The following R3HCC1L variants were observed in gnomAD, a reference collection of about 807,000 sequenced individuals.
R3HCC1L encodes the protein coiled-coil domain-containing protein R3HCC1L.
In R3HCC1L, 51 loss-of-function variants were observed where a neutral mutation model predicts 59.9. The observed-to-expected ratio is 0.85, with a 90% confidence interval of 0.68 to 1.07. The LOEUF is 1.07. Ranked by LOEUF, R3HCC1L falls within the 50% of genes least tolerant of loss-of-function variation. The pLI, the probability that R3HCC1L is intolerant of heterozygous loss-of-function variation, is 0.00. For missense variants in R3HCC1L, 965 were observed against 933.0 expected, an observed-to-expected ratio of 1.03 and a Z score of -0.45; for synonymous variants, 322 against 315.2, an observed-to-expected ratio of 1.02 and a Z score of -0.23.
At chr10:98,231,430 G>A in intron 5 of R3HCC1L, 82 bp from the exon 6 acceptor site, 3 of 1,277,556 alleles carry the variant, frequency 2.3e-6, no homozygotes, top group Non-Finnish European at 3.3e-6. Context: ...AGAAAGGGAG[G>A]AGGATTGTTT....
chr10:98,241,051 G>A (rs183997478), intron 9 of R3HCC1L, among the ~76,000 whole-genome samples: 6 of 152,118 alleles, frequency 3.9e-5, no homozygotes, highest in Admixed American at 1.3e-4. Context: ...ATGGGATTCA[G>A]ACTGTATTTT....
intron 1 of R3HCC1L, among the ~76,000 whole-genome samples, chr10:98,137,814 TTATC>T (rs1357220445): frequency 2.6e-5 from 4 of 152,238 alleles, no homozygotes; most frequent in Non-Finnish European, 5.9e-5. Flanking sequence ...AGCAGAGCAA[TTATC>T]TATCTTTATG....
chr10:98,224,570 T>G (rs1255861363), intron 5 of R3HCC1L, among the ~76,000 whole-genome samples: 1 of 152,212 alleles, frequency 6.6e-6, no homozygotes, highest in Admixed American at 6.5e-5. Context: ...GTTGAATGGT[T>G]TTGTGGAAGC....
intron 4 of R3HCC1L, among the ~76,000 whole-genome samples, chr10:98,180,665 T>C (rs1224598424): frequency 3.3e-5 from 5 of 152,212 alleles, no homozygotes; most frequent in Non-Finnish European, 5.9e-5. Context: ...CAGTGGGATG[T>C]TAAAGTCTCC....
At chr10:98,235,917 A>G (rs1461366149) in intron 8 of R3HCC1L, 107 bp from the exon 9 acceptor site, 3 of 1,262,200 alleles carry the variant, frequency 2.4e-6, no homozygotes. Flanking sequence ...CTGCTGATGC[A>G]GCCCTTGTTA....
chr10:98,175,405 C>T (rs1848912668), intron 4 of R3HCC1L, among the ~76,000 whole-genome samples: 2 of 152,136 alleles, frequency 1.3e-5, no homozygotes, highest in Non-Finnish European at 2.9e-5. Flanking sequence ...GTAACTCCCA[C>T]ACAATTAAAA....
intron 4 of R3HCC1L, among the ~76,000 whole-genome samples, chr10:98,188,479 C>T (rs17109059): frequency 2.6e-5 from 4 of 152,146 alleles, no homozygotes; most frequent in Non-Finnish European, 4.4e-5. Context: ...GCAATGGAGA[C>T]TCCTGTGTTT....
At chr10:98,238,817 C>T (rs938050507) in intron 9 of R3HCC1L, among the ~76,000 whole-genome samples, 3 of 152,174 alleles carry the variant, frequency 2.0e-5, no homozygotes, top group African/African-American at 7.2e-5. Context: ...GTTATCTGTA[C>T]CAATGGTTAG....
intron 2 of R3HCC1L, among the ~76,000 whole-genome samples, chr10:98,156,799 A>G (rs1189813796): frequency 6.6e-6 from 1 of 152,248 alleles, no homozygotes; most frequent in East Asian, 1.9e-4. Flanking sequence ...ATTGGCTTGT[A>G]AAAGAAAAGT....
chr10:98,166,384 A>C (rs192816121), intron 4 of R3HCC1L, among the ~76,000 whole-genome samples: 6 of 152,214 alleles, frequency 3.9e-5, no homozygotes, highest in African/African-American at 1.4e-4. Flanking sequence ...GTACTTTGTT[A>C]TAGCAGCATG....
At chr10:98,170,653 G>A (rs1848430162) in intron 4 of R3HCC1L, among the ~76,000 whole-genome samples, 1 of 152,178 alleles carries the variant, frequency 6.6e-6, no homozygotes, top group Non-Finnish European at 1.5e-5. Context: ...AGATAGGTAT[G>A]CAGGTGGCTT....
intron 5 of R3HCC1L, among the ~76,000 whole-genome samples, chr10:98,225,666 G>A (rs1184947109): frequency 1.3e-5 from 2 of 152,168 alleles, no homozygotes; most frequent in African/African-American, 4.8e-5. Flanking sequence ...TGTAGAACAA[G>A]AATTATGTTT....
intron 6 of R3HCC1L, among the ~76,000 whole-genome samples, chr10:98,232,426 A>G (rs1258776151): frequency 6.6e-6 from 1 of 152,184 alleles, no homozygotes; most frequent in Non-Finnish European, 1.5e-5. Flanking sequence ...ACTTGCACTA[A>G]CCCTTGGTAT....
rs754222852 is a variant in R3HCC1L at position 98,236,092 on chromosome 10, G to T, written c.2197G>T (p.Ala733Ser). ...CCTAGCCAGAAGGTTAGTCATCAGTGCCCTTGGGGTTCGAAGTAAGCAGAG... is the reference window on the plus strand; with the variant it reads ...CCTAGCCAGAAGGTTAGTCATCAGTTCCCTTGGGGTTCGAAGTAAGCAGAG... ...AALARRLVIS[A>S]LGVRSKQSKT... is the part of the protein sequence containing the mutation. Residue 733 changes from alanine (A) to serine (S), a missense_variant, in exon 9 of 10, where the codon GCC becomes TCC. Ala to Ser is a moderately conservative substitution (Grantham distance 99). Coordinates refer to ENST00000298999, the MANE Select transcript of R3HCC1L (RefSeq NM_001351015.2). 5.0e-6 allele frequency: 8 copies of T among 1,614,010 alleles called. No individual in the cohort carries two copies.
At chr10:98,166,997 A>G (rs1465389499) in intron 4 of R3HCC1L, among the ~76,000 whole-genome samples, 2 of 152,104 alleles carry the variant, frequency 1.3e-5, no homozygotes, top group Non-Finnish European at 2.9e-5. Context: ...CCCAGCAGTG[A>G]TGTCAATACA....
At chr10:98,140,665 ATATT>A (rs1467273672) in intron 1 of R3HCC1L, among the ~76,000 whole-genome samples, 8 of 152,332 alleles carry the variant, frequency 5.3e-5, no homozygotes, top group South Asian at 4.1e-4. Context: ...GAACATGTAA[ATATT>A]TATAGTTGGC....
rs745914611 is a variant in R3HCC1L at position 98,209,067 on chromosome 10, CAGAG to C, written c.956_959del (p.Glu319AlafsTer9). ...GCAACTATGGGTCACATCTCTCTGT[CAGAG>C]AGCACAAATGACACTGTTAGTCCAG... On this transcript the variant is annotated frameshift_variant, in exon 5 of 10. Transcript: ENST00000298999. LOFTEE classifies it high-confidence loss of function. 1.2e-6 allele frequency: 2 copies of C among 1,613,694 alleles called. No individual in the cohort carries two copies. The highest frequency in any genetic ancestry group is 1.7e-5 in the Admixed American group (1 of 60,002).
intron 5 of R3HCC1L, among the ~76,000 whole-genome samples, chr10:98,228,260 T>C (rs184531645): frequency 7.2e-5 from 11 of 152,368 alleles, no homozygotes; most frequent in Admixed American, 7.2e-4. Flanking sequence ...TCCTGACTTT[T>C]TAATGATTGC....
At chr10:98,241,038 CT>C (rs1857479356) in intron 9 of R3HCC1L, among the ~76,000 whole-genome samples, 1 of 152,088 alleles carries the variant, frequency 6.6e-6, no homozygotes, top group Non-Finnish European at 1.5e-5. Context: ...TAAATGCCCC[CT>C]TATGGGATTC....
Sources: gnomAD v4.1 joint callset for allele counts (sites outside exome capture counted in the v4.1 genomes callset) on GRCh38, gnomAD v4.1.1 for gene constraint, MANE v1.5 for transcripts, NCBI Gene and HGNC (gene_info 2026-07-23, HGNC 2026-07-21) for gene names.